The following PPL variants were observed in gnomAD, a reference collection of about 807,000 sequenced individuals.
PPL encodes the protein 190 kDa paraneoplastic pemphigus antigen.
PPL carries 198 observed loss-of-function variants against 194.4 expected under a neutral mutation model. The ratio of observed to expected loss-of-function variants is 1.02; its 90% CI spans 0.91 to 1.15. The LOEUF (loss-of-function observed/expected upper bound fraction) is 1.15. Among genes scored for constraint, PPL ranks in the 50% most tolerant of loss-of-function variants. The pLI is 0.00. For synonymous variants in PPL, 1,220 were observed against 972.4 expected, an observed-to-expected ratio of 1.25 and a Z score of -4.74; for missense variants, 2,885 against 2,294.8, an observed-to-expected ratio of 1.26 and a Z score of -5.25.
intron 3 of PPL, among the ~76,000 whole-genome samples, chr16:4,903,329 G>T (rs1371911249): frequency 2.0e-5 from 3 of 152,162 alleles, no homozygotes; most frequent in African/African-American, 7.2e-5. Context: ...AAGCTCACAG[G>T]TCAGGCTGGT....
At chr16:4,900,652 G>A in intron 6 of PPL, among the ~76,000 whole-genome samples, 178 bp downstream of exon 6, 1 of 151,736 alleles carries the variant, frequency 6.6e-6, no homozygotes, top group East Asian at 1.9e-4. Flanking sequence ...TGCCCAGGTT[G>A]GTCTCAAACT....
intron 1 of PPL, among the ~76,000 whole-genome samples, chr16:4,917,680 C>T (rs543046118): frequency 6.6e-6 from 1 of 152,128 alleles, no homozygotes; most frequent in African/African-American, 2.4e-5. Flanking sequence ...GTGGGCAGAT[C>T]GCTTGAGACC....
At chr16:4,888,728 T>C in intron 19 of PPL, 1 of 460,992 alleles carries the variant, frequency 2.2e-6, no homozygotes. Flanking sequence ...TTTTTTGTAC[T>C]TTTTCCTTAA....
intron 1 of PPL, among the ~76,000 whole-genome samples, chr16:4,921,405 G>T (rs778833433): frequency 6.6e-6 from 1 of 152,198 alleles, no homozygotes; most frequent in Non-Finnish European, 1.5e-5. Flanking sequence ...GGGGGCCTCA[G>T]ATGGCATCAG....
At chr16:4,886,908 C>T (rs2088228279) in intron 21 of PPL, among the ~76,000 whole-genome samples, 2 of 152,246 alleles carry the variant, frequency 1.3e-5, no homozygotes, top group South Asian at 4.1e-4. Context: ...CGTGAGCCAC[C>T]ATGCCCAGCT....
At chr16:4,935,908 A>G (rs1281079693) in intron 1 of PPL, among the ~76,000 whole-genome samples, 2 of 152,106 alleles carry the variant, frequency 1.3e-5, no homozygotes. Context: ...AGAGCCATGT[A>G]ATGTGCGGGC....
intron 16 of PPL, among the ~76,000 whole-genome samples, chr16:4,891,174 A>G (rs1290504637): frequency 6.6e-6 from 1 of 152,210 alleles, no homozygotes; most frequent in Non-Finnish European, 1.5e-5. Context: ...CCTGCGCGAG[A>G]ACAGCCTGCC....
At chr16:4,892,708 G>T in intron 14 of PPL, 1 of 162,884 alleles carries the variant, frequency 6.1e-6, no homozygotes, top group Non-Finnish European at 1.3e-5. Flanking sequence ...CTGTAAAATT[G>T]GAGTGCTACT....
At chr16:4,936,350 C>G (rs1568073530) in intron 1 of PPL, among the ~76,000 whole-genome samples, 2 of 152,196 alleles carry the variant, frequency 1.3e-5, no homozygotes, top group Non-Finnish European at 2.9e-5. Context: ...CCCGACCCCA[C>G]ACCCCCCAGG....
rs775702446 is a variant in PPL at position 4,883,921 on chromosome 16, C to T, written c.4734G>A (p.Glu1578=). Residue 1578 remains glutamate, a synonymous_variant, in exon 22 of 22, where the codon GAG becomes GAA. Transcript: ENST00000345988. The surrounding 1 kb of genome is among the most constrained non-coding windows in gnomAD (Gnocchi z 4.8). The part of the protein sequence containing the change: ...LQLERQNLQL[E]TRRLQSEINM... ...TGATTTCCGATTGGAGCCTTCGGGT[C>T]TCCAGCTGCAGGTTTTGCCTCTCCA... is the stretch of plus-strand genomic sequence containing the variant. 3.1e-6 allele frequency: 5 copies of T among 1,613,906 alleles called. No individual in the cohort carries two copies. In the Admixed American group the frequency reaches 8.3e-5, roughly 27 times the overall value.
In PPL at chr16:4,895,778, G is replaced by A. The variant is rs2088416017; in HGVS notation, c.973-62C>T. ...CACTAGAAGCACCTGGGCTTCTGTC[G>A]GAGGCTTCAAGCTCATCCCTCAGGC... On this transcript the variant is annotated intron_variant, in intron 9 of 21. Coordinates refer to ENST00000345988, the MANE Select transcript of PPL (RefSeq NM_002705.5). 1.1e-5 allele frequency: 17 copies of A among 1,609,334 alleles called. No individual in the cohort carries two copies. In the South Asian group the frequency reaches 1.2e-4, roughly 11 times the overall value.
chr16:4,890,026 G>A (rs2088289783), intron 18 of PPL, among the ~76,000 whole-genome samples, 158 bp downstream of exon 18: 1 of 152,262 alleles, frequency 6.6e-6, no homozygotes, highest in Non-Finnish European at 1.5e-5. Flanking sequence ...AGAGGGTTGG[G>A]TGTTGGGAGC....
intron 18 of PPL, 37 bp downstream of exon 18, chr16:4,890,147 C>T (rs200053774): frequency 3.2e-5 from 51 of 1,613,640 alleles, no homozygotes; most frequent in Admixed American, 1.8e-4. Context: ...CCTCCCTTGC[C>T]AGTGTGTGCC....
At chr16:4,930,424 A>C (rs1046609422) in intron 1 of PPL, among the ~76,000 whole-genome samples, 1 of 152,150 alleles carries the variant, frequency 6.6e-6, no homozygotes, top group East Asian at 1.9e-4. Context: ...TGCCCCATTC[A>C]TCCCCACCTC....
At chr16:4,888,436 C>T (rs2088253855) in intron 19 of PPL, among the ~76,000 whole-genome samples, 1 of 152,216 alleles carries the variant, frequency 6.6e-6, no homozygotes, top group South Asian at 2.1e-4. Context: ...CACTCAGTAA[C>T]ATATGAGACA....
Position 4,892,194 on chromosome 16 carries a change from A to G in PPL, c.1670T>C (p.Leu557Pro). Residue 557 changes from leucine to proline, a missense_variant, in exon 15 of 22, where the codon CTG (leucine) becomes CCG (proline). Coordinates refer to ENST00000345988, the MANE Select transcript of PPL (RefSeq NM_002705.5). ...CCGCGTCTTCTCAGGTTCAATCCGCAGTAGCTCGTTGGTGATGTTCTGTGG... is the reference window on the plus strand; with the variant it reads ...CCGCGTCTTCTCAGGTTCAATCCGCGGTAGCTCGTTGGTGATGTTCTGTGG... Reference protein sequence around the residue: ...KDLKNITNELLRIEPEKTRST... With the variant: ...KDLKNITNELPRIEPEKTRST... The G allele has an allele frequency of 6.2e-7, 1 of 1,612,878 alleles. No individual in the cohort carries two copies. Among genetic ancestry groups the G allele is most frequent in the Non-Finnish European group, 8.5e-7 (1 of 1,179,274 alleles).
intron 1 of PPL, among the ~76,000 whole-genome samples, chr16:4,926,890 A>C (rs1214130581): frequency 3.4e-5 from 4 of 116,028 alleles, no homozygotes; most frequent in African/African-American, 1.1e-4. Flanking sequence ...AAAAAAAAAA[A>C]AACAAAAAAA....
chr16:4,893,159 G>A, intron 14 of PPL, 54 bp downstream of exon 14: 3 of 1,450,622 alleles, frequency 2.1e-6, no homozygotes, highest in African/African-American at 1.4e-5. Context: ...AGGGGCCCCA[G>A]GGGGCCAGTG....
rs767215400 is a variant in PPL, at chr16:4,890,341, A to G, written c.2163-7T>C. On this transcript the variant is annotated splice_polypyrimidine_tract_variant and splice_region_variant and intron_variant, in intron 17 of 21. Coordinates refer to ENST00000345988, the MANE Select transcript of PPL (RefSeq NM_002705.5). ...GCTCTGTAGGCTCTGCGCCCTGTCA[A>G]GGCAAAGCGTTCAGGCCTCAGCCAC... The G allele has an allele frequency of 1.2e-6, 2 of 1,608,260 alleles. No homozygotes were observed. The highest frequency in any genetic ancestry group is 1.7e-5 in the Admixed American group (1 of 59,586).
Sources: gnomAD v4.1 joint callset for allele counts (sites outside exome capture counted in the v4.1 genomes callset) on GRCh38, gnomAD v4.1.1 for gene constraint, Gnocchi (gnomAD v3.1) non-coding constraint, MANE v1.5 for transcripts, NCBI Gene and HGNC (gene_info 2026-07-23, HGNC 2026-07-21) for gene names.